TAGLN: variants seen among roughly 807,000 people sequenced by gnomAD.
TAGLN encodes the protein 22 kDa actin-binding protein.
In TAGLN, 16 loss-of-function variants were observed where a neutral mutation model predicts 21.9. The ratio of observed to expected loss-of-function variants is 0.73; its 90% CI spans 0.49 to 1.11. The LOEUF is 1.11. TAGLN is among the 50% of genes least tolerant of loss of function. The pLI is 0.00. For synonymous variants in TAGLN, 96 were observed against 94.9 expected (o/e 1.01, Z -0.06); for missense variants, 248 against 263.2 (o/e 0.94, Z 0.40).
rs2134275053 is a variant in TAGLN, at chr11:117,205,224, C to T, written c.*865C>T. 2 of 233,684 alleles carry T rather than the reference C, an allele frequency of 8.6e-6. No individual in the cohort carries two copies. The allele number at this position is 233,684 out of a possible 1,614,324, so 14.5% of individuals were successfully genotyped here. A position where few individuals can be genotyped will look rare whatever the true frequency, so the allele number is the denominator to read the frequency against. ...AAGGCCAAGGTTGAGAGAAGAGTCA[C>T]AGCCTGTCAGGCAGATAGCTGGCCT... is the stretch of plus-strand genomic sequence containing the variant. On this transcript the variant is annotated 3_prime_UTR_variant, in exon 5 of 5. Coordinates refer to ENST00000392951, the MANE Select transcript of TAGLN (RefSeq NM_003186.5).
intron 4 of TAGLN, 161 bp from the exon 5 acceptor site, chr11:117,204,054 T>A: frequency 1.7e-6 from 2 of 1,167,408 alleles, no homozygotes; most frequent in Non-Finnish European, 2.4e-6. Flanking sequence ...CTTTCCACCC[T>A]CCTGCGCTCA....
chr11:117,203,673 T>C lies in TAGLN; in HGVS notation c.359-109T>C. On this transcript the variant is annotated intron_variant, in intron 3 of 4. Transcript: ENST00000392951. This position sits in a 1 kb window ranked among gnomAD's most constrained non-coding sequence, Gnocchi z 4.4. ...AGGCCTCCCTTGAATTGGGGACAAC[T>C]CTTGGCCCTGGTTTGGCCATTTTTT... 1.5e-6 allele frequency: 2 copies of C among 1,318,892 alleles called. No individual in the cohort carries two copies. Among genetic ancestry groups the C allele is most frequent in the Non-Finnish European group, 2.1e-6 (2 of 941,176 alleles). 81.7% of individuals were successfully genotyped at this position (1,318,892 alleles called of 1,614,324 possible).
chr11:117,203,575 G>T lies in TAGLN; in HGVS notation c.358+91G>T. ...ATGACCAGAATATGCCACAACTAGG[G>T]GTGTGCTTGCCCGCACACAGCAGGG... On this transcript the variant is annotated intron_variant, in intron 3 of 4. Transcript: ENST00000392951. The surrounding 1 kb of genome is among the most constrained non-coding windows in gnomAD (Gnocchi z 4.4). The T allele has an allele frequency of 6.7e-7, 1 of 1,482,358 alleles. No homozygotes were observed. The highest frequency in any genetic ancestry group is 1.2e-5 in the South Asian group (1 of 82,044). 91.8% of individuals were successfully genotyped at this position (1,482,358 alleles called of 1,614,324 possible). A position where few individuals can be genotyped will look rare whatever the true frequency, so the allele number is the denominator to read the frequency against.
intron 1 of TAGLN, among the ~76,000 whole-genome samples, chr11:117,200,050 TG>T (rs926900416): frequency 1.4e-4 from 20 of 142,630 alleles, no homozygotes; most frequent in African/African-American, 5.1e-4. Flanking sequence ...AGCAGAGGGG[TG>T]GGGGGCGGGT....
At position 117,205,043 on chromosome 11, in the gene TAGLN, G is replaced by C; in HGVS notation, c.*684G>C. 4.8e-6 allele frequency: 1 copy of C among 210,488 alleles called. No individual in the cohort carries two copies. Among genetic ancestry groups the C allele is most frequent in the Non-Finnish European group, 9.7e-6 (1 of 103,356 alleles). The allele number at this position is 210,488 out of a possible 1,614,324, so 13.0% of individuals were successfully genotyped here. A position where few individuals can be genotyped will look rare whatever the true frequency, so the allele number is the denominator to read the frequency against. Reference sequence around the variant, plus strand: ...AGCATGCAGTGGCTTTGGGGAGACAGAGGAAAGGAGAGATTGCGAGTGGCA... The same window carrying C: ...AGCATGCAGTGGCTTTGGGGAGACACAGGAAAGGAGAGATTGCGAGTGGCA... On this transcript the variant is annotated 3_prime_UTR_variant, in exon 5 of 5. Transcript: ENST00000392951.
chr11:117,202,188 C>A (rs1462040334), intron 1 of TAGLN: 1 of 152,248 alleles, frequency 6.6e-6, no homozygotes, highest in Non-Finnish European at 1.5e-5. Flanking sequence ...GTAAGGGTAG[C>A]CTTACGAGAG....
chr11:117,204,203 C>T lies in TAGLN; in HGVS notation c.462-12C>T, dbSNP rs751384630. On this transcript the variant is annotated splice_polypyrimidine_tract_variant and intron_variant, in intron 4 of 4. Coordinates refer to ENST00000392951, the MANE Select transcript of TAGLN (RefSeq NM_003186.5). ...TTCTACCAAGTCTTTATCCTGGTTC[C>T]TCCTCTTCTAGGAAAGCGCAGGAGC... 5.0e-6 allele frequency: 8 copies of T among 1,613,668 alleles called. No homozygotes were observed. Among genetic ancestry groups the T allele is most frequent in the South Asian group, 1.1e-5 (1 of 90,770 alleles).
intron 4 of TAGLN, 126 bp from the exon 5 acceptor site, chr11:117,204,089 T>TAG: frequency 7.0e-7 from 1 of 1,424,464 alleles, no homozygotes; most frequent in Non-Finnish European, 9.6e-7. Context: ...TGAGGCAAGC[T>TAG]AGATTAGGGA....
Position 117,206,396 on chromosome 11 carries a change from C to G in TAGLN, c.*2037C>G. On this transcript the variant is annotated 3_prime_UTR_variant, in exon 5 of 5. Transcript: ENST00000392951. Reference sequence around the variant, plus strand: ...AGCACCTACGTGAGGCACTGTTTCCCGAAGCCTACAGCCTTTCTCAGCCCA... The same window carrying G: ...AGCACCTACGTGAGGCACTGTTTCCGGAAGCCTACAGCCTTTCTCAGCCCA... 2 of 1,577,460 alleles carry G rather than the reference C, an allele frequency of 1.3e-6. No homozygotes were observed. Among genetic ancestry groups the G allele is most frequent in the Non-Finnish European group, 1.7e-6 (2 of 1,160,364 alleles).
At position 117,203,021 on chromosome 11, in the gene TAGLN, A is replaced by G. The variant is rs766675953; in HGVS notation, c.8A>G (p.Asn3Ser). Residue 3 changes from asparagine to serine, a missense_variant, in exon 2 of 5, where the codon AAC becomes AGC. Transcript: ENST00000392951. The surrounding 1 kb of genome is among the most constrained non-coding windows in gnomAD (Gnocchi z 4.4). MA[N>S]KGPSYGMSRE... ...CTTTAGCTTTCCCCAGACATGGCCA[A>G]CAAGGGTCCTTCCTATGGCATGAGC... 4.5e-6 allele frequency: 7 copies of G among 1,561,994 alleles called. No individual in the cohort carries two copies. Among genetic ancestry groups the G allele is most frequent in the Admixed American group, 1.9e-5 (1 of 53,824 alleles).
chr11:117,204,008 G>A, intron 4 of TAGLN, 124 bp downstream of exon 4: 1 of 1,052,578 alleles, frequency 9.5e-7, no homozygotes, highest in Non-Finnish European at 1.4e-6. Context: ...GTCTGGGATG[G>A]GGAATAATGG....
chr11:117,200,900 G>C (rs949488279), intron 1 of TAGLN, among the ~76,000 whole-genome samples: 2 of 151,992 alleles, frequency 1.3e-5, no homozygotes, highest in African/African-American at 4.8e-5. Context: ...CAGGTGGAGT[G>C]GGGGTAGAAG....
In TAGLN at chr11:117,204,368, G is replaced by C. The variant is rs1433651366; in HGVS notation, c.*9G>C. 6.2e-7 allele frequency: 1 copy of C among 1,614,084 alleles called. No homozygotes were observed. Among genetic ancestry groups the C allele is most frequent in the Admixed American group, 1.7e-5 (1 of 60,010 alleles). On this transcript the variant is annotated 3_prime_UTR_variant, in exon 5 of 5. Coordinates refer to ENST00000392951, the MANE Select transcript of TAGLN (RefSeq NM_003186.5). The stretch of plus-strand genomic sequence containing the variant: ...GGCAGATCATCAGTTAGAGCGGAGA[G>C]GGCTAGCCCTGAGCCCGGCCCTCCC...
At chr11:117,200,707 C>G (rs1392226447) in intron 1 of TAGLN, among the ~76,000 whole-genome samples, 1 of 152,124 alleles carries the variant, frequency 6.6e-6, no homozygotes, top group African/African-American at 2.4e-5. Flanking sequence ...AAATCCTAAT[C>G]TTGTCTCTAG....
Position 117,206,247 on chromosome 11 carries a change from G to T in TAGLN, c.*1888G>T, listed in dbSNP as rs2031374962. 6.2e-7 allele frequency: 1 copy of T among 1,614,008 alleles called. No homozygotes were observed. Among genetic ancestry groups the T allele is most frequent in the African/African-American group, 1.3e-5 (1 of 74,886 alleles). On this transcript the variant is annotated 3_prime_UTR_variant, in exon 5 of 5. Coordinates refer to ENST00000392951, the MANE Select transcript of TAGLN (RefSeq NM_003186.5). ...CCGGCTCCGATGGGGCCAGTGGCAGGGTCCACTCCTACAAACTTGATTGGA... is the reference window on the plus strand; with the variant it reads ...CCGGCTCCGATGGGGCCAGTGGCAGTGTCCACTCCTACAAACTTGATTGGA...
rs1482986182 is a variant in TAGLN at position 117,204,620 on chromosome 11, C to CT, written c.*262dup. 1 of 572,862 alleles carries CT rather than the reference C, an allele frequency of 1.7e-6. No individual in the cohort carries two copies. Among genetic ancestry groups the CT allele is most frequent in the Non-Finnish European group, 3.2e-6 (1 of 310,322 alleles). 35.5% of individuals were successfully genotyped at this position (572,862 alleles called of 1,614,324 possible). A position where few individuals can be genotyped will look rare whatever the true frequency, so the allele number is the denominator to read the frequency against. On this transcript the variant is annotated 3_prime_UTR_variant, in exon 5 of 5. Transcript: ENST00000392951. ...TCACCTCTACTGTCTCCTCCCTGGG[C>CT]TAAGCAGGGGAGAAGCGGGCTGGGG... is the stretch of plus-strand genomic sequence containing the variant.
chr11:117,201,133 ACAG>A (rs1177786591), intron 1 of TAGLN: 3 of 152,290 alleles, frequency 2.0e-5, no homozygotes, highest in African/African-American at 7.2e-5. Flanking sequence ...TTGTAGCTGA[ACAG>A]CAGAACAGAG....
At position 117,207,182 on chromosome 11, in the gene TAGLN, C is replaced by T. The variant is rs368907059; in HGVS notation, c.*2823C>T. 1.2e-3 allele frequency: 1,128 copies of T among 966,010 alleles called. 6 individuals are homozygous for T. In the African/African-American group the frequency reaches 0.017, roughly 15 times the overall value. The allele number at this position is 966,010 out of a possible 1,614,324, so 59.8% of individuals were successfully genotyped here. Reference sequence around the variant, plus strand: ...TCCCCTAGGGCAGCAAGGGGCAGCTCGTGAGCCACGCCCCTCTGTCAGCCA... The same window carrying T: ...TCCCCTAGGGCAGCAAGGGGCAGCTTGTGAGCCACGCCCCTCTGTCAGCCA... On this transcript the variant is annotated 3_prime_UTR_variant, in exon 5 of 5. Coordinates refer to ENST00000392951, the MANE Select transcript of TAGLN (RefSeq NM_003186.5).
chr11:117,204,025 A>T, intron 4 of TAGLN, 141 bp downstream of exon 4: 2 of 1,040,552 alleles, frequency 1.9e-6, no homozygotes, highest in Non-Finnish European at 2.8e-6. Context: ...ATGGGTCCTT[A>T]ATACTCCTTG....
Sources: gnomAD v4.1 joint callset for allele counts (sites outside exome capture counted in the v4.1 genomes callset) on GRCh38, gnomAD v4.1.1 for gene constraint, Gnocchi (gnomAD v3.1) non-coding constraint, MANE v1.5 for transcripts, NCBI Gene and HGNC (gene_info 2026-07-23, HGNC 2026-07-21) for gene names.